CTNNA2: variants seen among roughly 807,000 people sequenced by gnomAD.
CTNNA2 encodes catenin alpha 2.
CTNNA2 carries 42 observed loss-of-function variants against 101.0 expected under a neutral mutation model. The observed-to-expected ratio is 0.42, with a 90% CI of 0.32 to 0.54. CTNNA2 has a LOEUF of 0.54. Ranked by LOEUF, CTNNA2 falls within the 20% of genes least tolerant of loss-of-function variation. The pLI is 0.14. For synonymous variants in CTNNA2, 450 were observed against 456.4 expected (o/e 0.99, Z 0.18); for missense variants, 871 against 1,223.1 (o/e 0.71, Z 4.29).
intron 9 of CTNNA2, among the ~76,000 whole-genome samples, chr2:80,487,514 A>G (rs1686689066): frequency 6.6e-6 from 1 of 152,110 alleles, no homozygotes; most frequent in Non-Finnish European, 1.5e-5. Context: ...AGTGCCAAGC[A>G]AAAGGGGAAA....
intron 11 of CTNNA2, among the ~76,000 whole-genome samples, chr2:80,547,690 CT>C (rs61186189): frequency 0.011 from 1,399 of 124,256 alleles, 96 homozygotes; most frequent in African/African-American, 0.042. Context: ...GTCACTTCTG[CT>C]TTTTTTTTTT....
rs12053528 is a variant in CTNNA2, at chr2:79,376,845, A to G, written c.-135+2832A>G. ...ATTTTTTATGGCTGCATAGTATTCCATGGTGTATATGTGCCACATTTTCTT... is the reference window on the plus strand; with the variant it reads ...ATTTTTTATGGCTGCATAGTATTCCGTGGTGTATATGTGCCACATTTTCTT... On this transcript the variant is annotated intron_variant, in intron 4 of 21. Transcript: ENST00000466387. Among the ~76,000 whole-genome samples, 1,749 of 152,244 alleles carry G rather than the reference A, an allele frequency of 0.011. 98 individuals carry two copies. In the East Asian group the frequency reaches 0.17, roughly 14 times the overall value.
intron 7 of CTNNA2, among the ~76,000 whole-genome samples, chr2:80,156,894 GACC>G (rs1449812972): frequency 6.6e-6 from 1 of 152,154 alleles, no homozygotes; most frequent in Non-Finnish European, 1.5e-5. Context: ...TACCTTCTCA[GACC>G]TTTAAATCCA....
chr2:80,189,704 CACAAT>C (rs1231427803), intron 7 of CTNNA2, among the ~76,000 whole-genome samples: 1 of 151,874 alleles, frequency 6.6e-6, no homozygotes, highest in African/African-American at 2.4e-5. Flanking sequence ...TGTTCCACCT[CACAAT>C]ACCAGACTAG....
At chr2:79,670,504 G>C (rs1682764436) in intron 2 of CTNNA2, among the ~76,000 whole-genome samples, 2 of 152,176 alleles carry the variant, frequency 1.3e-5, no homozygotes, top group Admixed American at 1.3e-4. Flanking sequence ...CTTCCGTGCT[G>C]CAGCCAGCAT....
intron 2 of CTNNA2, among the ~76,000 whole-genome samples, chr2:79,671,287 C>A (rs564896765): frequency 4.6e-5 from 7 of 152,226 alleles, no homozygotes; most frequent in Non-Finnish European, 8.8e-5. Context: ...AGCTCCAGCT[C>A]CGCATAGCTC....
chr2:80,193,636 GT>G (rs1354609868), intron 7 of CTNNA2, among the ~76,000 whole-genome samples: 1 of 152,152 alleles, frequency 6.6e-6, no homozygotes, highest in Non-Finnish European at 1.5e-5. Context: ...CTTGCTCTGT[GT>G]TTTTAGAAAA....
At chr2:79,949,336 A>C (rs1380527790) in intron 7 of CTNNA2, among the ~76,000 whole-genome samples, 2 of 152,226 alleles carry the variant, frequency 1.3e-5, no homozygotes, top group Admixed American at 6.5e-5. Flanking sequence ...AATACTTCAA[A>C]TGAAACAGGA....
chr2:79,451,643 T>C (rs1186925124), intron 4 of CTNNA2, among the ~76,000 whole-genome samples: 1 of 151,978 alleles, frequency 6.6e-6, no homozygotes, highest in Non-Finnish European at 1.5e-5. Context: ...GGAGAACCAG[T>C]GTGAATTTAG....
At chr2:80,162,666 G>C (rs1704404344) in intron 7 of CTNNA2, 1 of 1,612,452 alleles carries the variant, frequency 6.2e-7, no homozygotes, top group Admixed American at 1.7e-5. Context: ...CTGTGATGAT[G>C]GTGTACCTTG....
At chr2:80,245,986 G>C (rs1415106457) in intron 7 of CTNNA2, among the ~76,000 whole-genome samples, 5 of 151,654 alleles carry the variant, frequency 3.3e-5, no homozygotes, top group African/African-American at 1.2e-4. Context: ...AGTAGAGACG[G>C]GGTGTCACCG....
intron 4 of CTNNA2, among the ~76,000 whole-genome samples, chr2:79,419,483 A>AG (rs1247753996): frequency 6.6e-6 from 1 of 152,176 alleles, no homozygotes; most frequent in Non-Finnish European, 1.5e-5. Context: ...TGCTGTTTAT[A>AG]GGAGGAGAGG....
intron 3 of CTNNA2, among the ~76,000 whole-genome samples, chr2:79,856,124 T>C (rs890449657): frequency 2.0e-5 from 3 of 152,222 alleles, no homozygotes; most frequent in African/African-American, 7.2e-5. Flanking sequence ...TGTTGTTATA[T>C]ATCAAGCTAT....
At chr2:80,362,638 T>C (rs1674521632) in intron 7 of CTNNA2, among the ~76,000 whole-genome samples, 1 of 97,834 alleles carries the variant, frequency 1.0e-5, no homozygotes, top group Non-Finnish European at 1.9e-5. Flanking sequence ...CTTAACGTTT[T>C]TAAAAGAGTC....
chr2:80,419,498 A>G lies in CTNNA2; in HGVS notation c.1187A>G (p.Asn396Ser), dbSNP rs144724508. 640 of 1,613,608 alleles carry G rather than the reference A, an allele frequency of 4.0e-4. 6 individuals carry two copies. In the African/African-American group the frequency reaches 6.9e-3, roughly 17 times the overall value. ...DHISDSFLET[N>S]VPLLVLIEAA... ...ATATCTGACTCTTTCCTGGAAACCA[A>G]TGTTCCTTTGCTAGTTCTCATTGAG... The change falls in exon 9 of 19, where the codon AAT (asparagine) becomes AGT (serine). Residue 396 changes from asparagine to serine, a missense_variant. This residue lies in a region of CTNNA2 where 647 missense variants were observed against 831.5 expected (regional missense o/e 0.78). Transcript: ENST00000402739.
intron 3 of CTNNA2, among the ~76,000 whole-genome samples, chr2:79,822,514 G>A (rs1678091380): frequency 6.6e-6 from 1 of 152,082 alleles, no homozygotes; most frequent in Non-Finnish European, 1.5e-5. Flanking sequence ...ATATTGTGAA[G>A]GATACAGGAA....
chr2:80,325,885 A>G (rs2149254073), intron 7 of CTNNA2, among the ~76,000 whole-genome samples: 1 of 152,300 alleles, frequency 6.6e-6, no homozygotes, highest in South Asian at 2.1e-4. Flanking sequence ...CAGGACCCAG[A>G]GTAGTAAAGT....
intron 9 of CTNNA2, among the ~76,000 whole-genome samples, chr2:80,445,668 TA>T (rs1683011202): frequency 6.6e-6 from 1 of 152,192 alleles, no homozygotes; most frequent in Admixed American, 6.5e-5. Flanking sequence ...AACAAGCTCC[TA>T]ACTCTGGTGA....
intron 12 of CTNNA2, among the ~76,000 whole-genome samples, chr2:80,559,915 C>G: frequency 8.5e-6 from 1 of 117,142 alleles, no homozygotes; most frequent in East Asian, 2.2e-4. Context: ...GTAGCTCATT[C>G]TTCACTGAAT....
Sources: gnomAD v4.1 joint callset for allele counts (sites outside exome capture counted in the v4.1 genomes callset) on GRCh38, gnomAD v4.1.1 for gene constraint, gnomAD v4.1.1 regional missense constraint, MANE v1.5 for transcripts, NCBI Gene and HGNC (gene_info 2026-07-23, HGNC 2026-07-21) for gene names.